RAD50: variants seen among roughly 807,000 people sequenced by gnomAD.
The protein encoded by RAD50 is DNA repair protein RAD50.
Under a neutral mutation model 168.8 loss-of-function variants are expected in RAD50, and 132 were observed. The ratio of observed to expected loss-of-function variants is 0.78; its 90% CI spans 0.68 to 0.90. The LOEUF is 0.90. Among genes scored for constraint, RAD50 ranks in the 40% least tolerant of loss-of-function variants. The pLI, the probability that RAD50 is intolerant of heterozygous loss-of-function variation, is 0.00. For synonymous variants in RAD50, 525 were observed against 497.4 expected, an observed-to-expected ratio of 1.06 and a Z score of -0.74; for missense variants, 1,347 against 1,534.4, an observed-to-expected ratio of 0.88 and a Z score of 2.04.
At chr5:132,612,224 A>G (rs1321211452) in intron 19 of RAD50, among the ~76,000 whole-genome samples, 1 of 152,228 alleles carries the variant, frequency 6.6e-6, no homozygotes, top group Non-Finnish European at 1.5e-5. Flanking sequence ...AACCCTTAAA[A>G]CATGCTAAGC....
intron 13 of RAD50, among the ~76,000 whole-genome samples, chr5:132,597,831 G>A (rs994483332): frequency 2.6e-5 from 4 of 152,098 alleles, no homozygotes; most frequent in African/African-American, 9.7e-5. Context: ...GATTATTGGG[G>A]CCACAGAGAT....
chr5:132,584,752 A>G (rs796926511), intron 5 of RAD50, among the ~76,000 whole-genome samples: 2 of 152,150 alleles, frequency 1.3e-5, no homozygotes, highest in South Asian at 4.1e-4. Context: ...ACACCATGGA[A>G]TACTATGCAG....
chr5:132,606,601 C>T (rs1040425490), intron 16 of RAD50, among the ~76,000 whole-genome samples: 1 of 152,156 alleles, frequency 6.6e-6, no homozygotes, highest in African/African-American at 2.4e-5. Context: ...AAGAGGGAAT[C>T]CTCCCTAACT....
rs587780150 is a variant in RAD50 at position 132,589,778 on chromosome 5, C to T, written c.1393C>T (p.Gln465Ter). The T allele has an allele frequency of 9.3e-6, 15 of 1,613,732 alleles. No individual in the cohort carries two copies. Among genetic ancestry groups the T allele is most frequent in the Non-Finnish European group, 1.2e-5 (14 of 1,179,830 alleles). The change falls in exon 9 of 25, where the codon CAG (glutamine) becomes TAG (stop). Residue 465 changes from glutamine (Q) to a stop codon, truncating the protein, a stop_gained. Coordinates refer to ENST00000378823, the MANE Select transcript of RAD50 (RefSeq NM_005732.4). LOFTEE classifies it high-confidence loss of function. ...NELKNVKYEL[Q>*]QLEGSSDRIL... ...GCTGAAAAATGTGAAGTATGAATTA[C>T]AGCAGTTGGAAGGATCTTCAGACAG... is the stretch of plus-strand genomic sequence containing the variant.
At chr5:132,600,974 G>A (rs971248758) in intron 13 of RAD50, among the ~76,000 whole-genome samples, 4 of 151,920 alleles carry the variant, frequency 2.6e-5, no homozygotes, top group African/African-American at 9.7e-5. Context: ...CTTGTGAATC[G>A]TGAGAAAAAT....
At chr5:132,613,461 G>A (rs1385495501) in intron 19 of RAD50, among the ~76,000 whole-genome samples, 1 of 151,798 alleles carries the variant, frequency 6.6e-6, no homozygotes, top group South Asian at 2.1e-4. Flanking sequence ...GATACATTTT[G>A]TAGACTATAA....
intron 2 of RAD50, among the ~76,000 whole-genome samples, chr5:132,570,694 C>T (rs929289484): frequency 3.3e-5 from 5 of 152,146 alleles, no homozygotes; most frequent in Admixed American, 1.3e-4. Flanking sequence ...TTTAATCTAT[C>T]CCAACTACTA....
At chr5:132,625,188 G>A (rs981105110) in intron 21 of RAD50, among the ~76,000 whole-genome samples, 8 of 149,382 alleles carry the variant, frequency 5.4e-5, no homozygotes, top group African/African-American at 2.0e-4. Context: ...CCGGGTTCAC[G>A]CCATTCTCCT....
chr5:132,629,258 C>A (rs1161729354), intron 21 of RAD50, among the ~76,000 whole-genome samples: 1 of 152,214 alleles, frequency 6.6e-6, no homozygotes, highest in East Asian at 1.9e-4. Context: ...ACAGGAATAT[C>A]TTTCCCTGTC....
rs2149847713 is a variant in RAD50 at position 132,604,838 on chromosome 5, A to T, written c.2557A>T (p.Ile853Leu). The part of the protein sequence containing the change: ...SSKIELNRKL[I>L]QDQQEQIQHL... ...TAAGATTGAATTGAATCGTAAGCTT[A>T]TACAGGACCAGCAGGAACAGATTCA... The change falls in exon 16 of 25, where the codon ATA becomes TTA. Residue 853 changes from isoleucine (I) to leucine (L), a missense_variant. Physicochemically the swap from Ile to Leu is conservative, Grantham distance 5. Transcript: ENST00000378823. 6.2e-7 allele frequency: 1 copy of T among 1,613,154 alleles called. No homozygotes were observed. Among genetic ancestry groups the T allele is most frequent in the Non-Finnish European group, 8.5e-7 (1 of 1,179,188 alleles).
At chr5:132,607,007 A>G (rs1363568582) in intron 16 of RAD50, among the ~76,000 whole-genome samples, 1 of 152,260 alleles carries the variant, frequency 6.6e-6, no homozygotes, top group Non-Finnish European at 1.5e-5. Context: ...ACCCACAGCC[A>G]ATATCATACT....
intron 11 of RAD50, chr5:132,593,053 A>G: frequency 2.9e-6 from 1 of 346,636 alleles, no homozygotes; most frequent in Non-Finnish European, 5.9e-6. Flanking sequence ...TTTCCTCACA[A>G]ATTGATGTGA....
At chr5:132,637,389 C>T (rs572993031) in intron 22 of RAD50, among the ~76,000 whole-genome samples, 189 bp downstream of exon 22, 1 of 152,208 alleles carries the variant, frequency 6.6e-6, no homozygotes, top group East Asian at 1.9e-4. Context: ...GTTCCAGAGC[C>T]TAACAGGACT....
intron 5 of RAD50, 36 bp downstream of exon 5, chr5:132,580,102 A>G (rs756000163): frequency 3.2e-5 from 48 of 1,510,976 alleles, no homozygotes; most frequent in African/African-American, 1.7e-4. Context: ...CAAAAATTGT[A>G]TATCTTTATG....
chr5:132,570,084 A>G (rs1269378653), intron 2 of RAD50, among the ~76,000 whole-genome samples: 1 of 152,238 alleles, frequency 6.6e-6, no homozygotes, highest in Non-Finnish European at 1.5e-5. Context: ...TTTCAATTTA[A>G]TAGTCTTTCG....
Position 132,642,444 on chromosome 5 carries a change from T to TA in RAD50, c.*81dup. 1 of 1,258,538 alleles carries TA rather than the reference T, an allele frequency of 7.9e-7. No individual in the cohort carries two copies. The highest frequency in any genetic ancestry group is 1.3e-5 in the South Asian group (1 of 75,884). The allele number at this position is 1,258,538 out of a possible 1,614,324, so 78.0% of individuals were successfully genotyped here. On this transcript the variant is annotated 3_prime_UTR_variant, in exon 25 of 25. Transcript: ENST00000378823. ...AAGAAACTTATTTCTCATATCAACT[T>TA]AGTCAATAAGAAAATATATTCTTTC...
intron 2 of RAD50, among the ~76,000 whole-genome samples, chr5:132,569,875 T>G (rs889079669): frequency 6.6e-6 from 1 of 152,092 alleles, no homozygotes; most frequent in African/African-American, 2.4e-5. Flanking sequence ...AAATATTACA[T>G]GGATCAAAAA....
intron 24 of RAD50, among the ~76,000 whole-genome samples, chr5:132,641,241 T>C (rs1252134591): frequency 6.6e-6 from 1 of 152,186 alleles, no homozygotes; most frequent in Non-Finnish European, 1.5e-5. Context: ...ATGACAGAGC[T>C]CTTACTCAAA....
At position 132,609,132 on chromosome 5, in the gene RAD50, GAGA is replaced by G; in HGVS notation, c.2848_2850del (p.Lys950del). ...TTTTCTACAGCTGAATGATATTAAAGAGAAGGTTAAAAATATTCATGGCTATAT... is the reference window on the plus strand; with the variant it reads ...TTTTCTACAGCTGAATGATATTAAAGAGGTTAAAAATATTCATGGCTATAT... On this transcript the variant is annotated inframe_deletion, in exon 18 of 25. Coordinates refer to ENST00000378823, the MANE Select transcript of RAD50 (RefSeq NM_005732.4). 1 of 1,611,596 alleles carries G rather than the reference GAGA, an allele frequency of 6.2e-7. No homozygotes were observed. The highest frequency in any genetic ancestry group is 8.5e-7 in the Non-Finnish European group (1 of 1,179,008).
Sources: allele counts gnomAD v4.1 joint callset (sites outside exome capture counted in the v4.1 genomes callset), GRCh38; gene constraint gnomAD v4.1.1; transcripts MANE v1.5; gene names NCBI Gene and HGNC (gene_info 2026-07-23, HGNC 2026-07-21).